NCOR1: variants seen among roughly 807,000 people sequenced by gnomAD.
The protein encoded by NCOR1 is protein phosphatase 1, regulatory subunit 109.
A neutral mutation model predicts 288.1 loss-of-function variants in NCOR1; 63 were observed. That is an observed-to-expected ratio of 0.22 (90% CI 0.18 to 0.27). The LOEUF is 0.27. Ranked by LOEUF, NCOR1 falls within the 10% of genes least tolerant of loss-of-function variation. NCOR1 has a pLI of 1.00. For synonymous variants in NCOR1, 1,007 were observed against 1,065.9 expected (o/e 0.94, Z 1.08); for missense variants, 2,397 against 3,019.2 (o/e 0.79, Z 4.83).
At chr17:16,153,707 A>G (rs2079225827) in intron 6 of NCOR1, among the ~76,000 whole-genome samples, 1 of 152,192 alleles carries the variant, frequency 6.6e-6, no homozygotes, top group African/African-American at 2.4e-5. Context: ...GCAAACAATT[A>G]TATTAAAAAA....
rs997458665 is a variant in NCOR1, at chr17:16,123,261, C to T, written c.1635-1992G>A. ...TTTGATATCATCCTTTGCTGTCTCC[C>T]TCTTCCCATACTTCCTACATGTGAT... On this transcript the variant is annotated intron_variant, in intron 15 of 45. Transcript: ENST00000268712. Among the ~76,000 whole-genome samples the T allele has an allele frequency of 3.9e-5, 6 of 152,168 alleles. No individual in the cohort carries two copies. The East Asian group carries it at 1.2e-3, about 29-fold the overall frequency.
At chr17:16,042,811 A>T (rs1427912756) in intron 42 of NCOR1, among the ~76,000 whole-genome samples, 1 of 152,192 alleles carries the variant, frequency 6.6e-6, no homozygotes, top group Non-Finnish European at 1.5e-5. Flanking sequence ...AATTTTAGAT[A>T]TTTAAGGAGC....
chr17:16,110,244 T>C (rs943373117), intron 18 of NCOR1, among the ~76,000 whole-genome samples: 5 of 151,854 alleles, frequency 3.3e-5, no homozygotes, highest in African/African-American at 1.2e-4. Flanking sequence ...TAGTCCCAGT[T>C]ACACAGTAGA....
chr17:16,123,436 A>C (rs928917474), intron 15 of NCOR1, among the ~76,000 whole-genome samples: 12 of 152,142 alleles, frequency 7.9e-5, no homozygotes, highest in Non-Finnish European at 1.6e-4. Context: ...TCTCTAGTCT[A>C]TTCATTTTAT....
At chr17:16,181,251 G>GTGTA (rs1302853148) in intron 3 of NCOR1, among the ~76,000 whole-genome samples, 1 of 147,996 alleles carries the variant, frequency 6.8e-6, no homozygotes, top group Non-Finnish European at 1.5e-5. Flanking sequence ...GTGTGTGTGT[G>GTGTA]TGTATAAATA....
intron 2 of NCOR1, chr17:16,191,939 A>T (rs2088451926): frequency 6.6e-6 from 1 of 151,172 alleles, no homozygotes; most frequent in Non-Finnish European, 1.5e-5. Flanking sequence ...TATGCCAATC[A>T]GATGTCTACA....
In NCOR1 at chr17:16,098,219, T is replaced by C. The variant is rs571547084; in HGVS notation, c.2820+148A>G. The C allele has an allele frequency of 2.1e-5, 16 of 749,820 alleles. No homozygotes were observed. The East Asian group carries it at 3.3e-4, about 15-fold the overall frequency. 46.4% of individuals were successfully genotyped at this position (749,820 alleles called of 1,614,324 possible). On this transcript the variant is annotated intron_variant, in intron 21 of 45. Transcript: ENST00000268712. ...ACACACTTAACACGAGTGAACTGTA[T>C]ACTTAGAATTGGTTACGATTATTAA...
intron 19 of NCOR1, among the ~76,000 whole-genome samples, chr17:16,103,329 T>G (rs925906389): frequency 1.3e-5 from 2 of 152,238 alleles, no homozygotes; most frequent in African/African-American, 4.8e-5. Context: ...CCTGTTCAAC[T>G]TCACAGCTAG....
chr17:16,055,296 T>G (rs2059789247), intron 40 of NCOR1, among the ~76,000 whole-genome samples: 1 of 152,232 alleles, frequency 6.6e-6, no homozygotes, highest in African/African-American at 2.4e-5. Context: ...AGTGATTGAC[T>G]GGATAAAGAC....
intron 41 of NCOR1, among the ~76,000 whole-genome samples, chr17:16,047,305 AAATTAG>A (rs1428945982): frequency 1.3e-5 from 2 of 150,094 alleles, no homozygotes; most frequent in African/African-American, 5.1e-5. Flanking sequence ...TGAAATCATA[AAATTAG>A]AATTAGAATG....
intron 2 of NCOR1, among the ~76,000 whole-genome samples, chr17:16,187,892 A>G (rs2087035494): frequency 6.7e-6 from 1 of 150,050 alleles, no homozygotes; most frequent in Admixed American, 6.6e-5. Context: ...AGAGCAAGAC[A>G]CCATCTTTAA....
At chr17:16,195,478 A>G (rs924843223) in intron 1 of NCOR1, among the ~76,000 whole-genome samples, 23 of 150,316 alleles carry the variant, frequency 1.5e-4, no homozygotes, top group East Asian at 9.6e-4. Context: ...CTCAAAAAAA[A>G]AAAGAAAGAA....
At chr17:16,113,423 T>A (rs945994670) in intron 18 of NCOR1, among the ~76,000 whole-genome samples, 11 of 152,150 alleles carry the variant, frequency 7.2e-5, no homozygotes, top group African/African-American at 2.7e-4. Flanking sequence ...AAGAAAACAA[T>A]GTAGCCTCAC....
intron 22 of NCOR1, among the ~76,000 whole-genome samples, chr17:16,086,704 A>G (rs538952770): frequency 1.3e-5 from 2 of 152,368 alleles, no homozygotes; most frequent in South Asian, 2.1e-4. Context: ...ACTTCTGCTT[A>G]GCATAGCAAA....
chr17:16,193,333 C>T (rs1178815254), intron 2 of NCOR1, among the ~76,000 whole-genome samples: 3 of 151,930 alleles, frequency 2.0e-5, no homozygotes, highest in Non-Finnish European at 4.4e-5. Flanking sequence ...CAGGTTCAAG[C>T]GATTCTCCAG....
At chr17:16,212,696 T>C (rs1392317838) in intron 1 of NCOR1, among the ~76,000 whole-genome samples, 1 of 152,168 alleles carries the variant, frequency 6.6e-6, no homozygotes, top group Non-Finnish European at 1.5e-5. Context: ...CAACCCCCAG[T>C]CTATCCAAAG....
intron 21 of NCOR1, among the ~76,000 whole-genome samples, chr17:16,094,556 CCTCCCCT>C (rs201847346): frequency 0.016 from 2,459 of 151,854 alleles, 65 homozygotes; most frequent in African/African-American, 0.055. Context: ...CTCCGGCTCC[CCTCCCCT>C]CTCCCCTCTC....
intron 14 of NCOR1, among the ~76,000 whole-genome samples, chr17:16,127,569 G>GTATA (rs374200965): frequency 8.2e-6 from 1 of 121,394 alleles, no homozygotes; most frequent in African/African-American, 4.2e-5. Flanking sequence ...ATATATGTAT[G>GTATA]TATATATACA....
intron 26 of NCOR1, among the ~76,000 whole-genome samples, chr17:16,076,581 G>A (rs999936270): frequency 4.6e-5 from 7 of 152,348 alleles, no homozygotes; most frequent in African/African-American, 1.7e-4. Context: ...AAAAAGCTCA[G>A]TAAATGGGTG....
Sources: allele counts gnomAD v4.1 joint callset (sites outside exome capture counted in the v4.1 genomes callset), GRCh38; gene constraint gnomAD v4.1.1; transcripts MANE v1.5; gene names NCBI Gene and HGNC (gene_info 2026-07-23, HGNC 2026-07-21).